TBCE: variants seen among roughly 807,000 people sequenced by gnomAD.
TBCE encodes the protein tubulin folding cofactor E.
TBCE carries 53 observed loss-of-function variants against 77.0 expected under a neutral mutation model. The ratio of observed to expected loss-of-function variants is 0.69; its 90% CI spans 0.55 to 0.87. The LOEUF is 0.87. Among genes scored for constraint, TBCE ranks in the 40% least tolerant of loss-of-function variants. The pLI, the probability that TBCE is intolerant of heterozygous loss-of-function variation, is 0.00. For missense variants in TBCE, 624 were observed against 622.4 expected (o/e 1.00, Z -0.03); for synonymous variants, 235 against 241.3 (o/e 0.97, Z 0.24).
chr1:235,379,947 CAAAAAA>C (rs36068852), intron 1 of TBCE, 66 bp from the exon 2 acceptor site: 4 of 729,156 alleles, frequency 5.5e-6, no homozygotes, highest in Non-Finnish European at 8.4e-6. Flanking sequence ...GACTGTGCCT[CAAAAAA>C]AAAAAAAAAA....
intron 3 of TBCE, among the ~76,000 whole-genome samples, chr1:235,409,109 A>G (rs1274569893): frequency 6.6e-6 from 1 of 151,636 alleles, no homozygotes; most frequent in Non-Finnish European, 1.5e-5. Flanking sequence ...TTAACTGAGC[A>G]TCTTCGATTC....
chr1:235,439,778 G>A (rs555929780), intron 13 of TBCE, among the ~76,000 whole-genome samples: 10 of 151,814 alleles, frequency 6.6e-5, no homozygotes, highest in Admixed American at 3.9e-4. Context: ...GTGAGCCACC[G>A]TGCGTAGCAG....
intron 1 of TBCE, among the ~76,000 whole-genome samples, chr1:235,376,379 T>A (rs973839492): frequency 2.0e-5 from 3 of 152,122 alleles, no homozygotes; most frequent in African/African-American, 7.2e-5. Context: ...GGTGATGTAG[T>A]AGTACCCTTA....
chr1:235,441,682 A>G, intron 13 of TBCE, 132 bp from the exon 14 acceptor site: 2 of 767,420 alleles, frequency 2.6e-6, no homozygotes, highest in South Asian at 3.1e-5. Context: ...CACTGAATAA[A>G]GGCAGCTCCA....
chr1:235,369,449 G>A (rs1262060297), intron 1 of TBCE, among the ~76,000 whole-genome samples: 1 of 152,052 alleles, frequency 6.6e-6, no homozygotes, highest in African/African-American at 2.4e-5. Flanking sequence ...AGAGGATGCA[G>A]TGAGCCGAGA....
rs749144476 is a variant in TBCE, at chr1:235,449,988, GATAA to G, written c.*1232_*1235del. On this transcript the variant is annotated 3_prime_UTR_variant, in exon 17 of 17. Coordinates refer to ENST00000642610, the MANE Select transcript of TBCE (RefSeq NM_003193.5). Reference sequence around the variant, plus strand: ...GTATTTTTCTGATAATCTTCCAATAGATAAATAAAAACTTTTCTTATGCTACAGT... The same window carrying G: ...GTATTTTTCTGATAATCTTCCAATAGATAAAAACTTTTCTTATGCTACAGT... 3.2e-4 allele frequency: 134 copies of G among 414,598 alleles called. No homozygotes were observed. The highest frequency in any genetic ancestry group is 6.7e-4 in the Middle Eastern group (1 of 1,484). 25.7% of individuals were successfully genotyped at this position (414,598 alleles called of 1,614,324 possible).
intron 1 of TBCE, among the ~76,000 whole-genome samples, chr1:235,378,449 C>T (rs1572320783): frequency 6.6e-6 from 1 of 152,140 alleles, no homozygotes; most frequent in South Asian, 2.1e-4. Context: ...GTCTCGAATT[C>T]CTGGCCTCAG....
intron 2 of TBCE, among the ~76,000 whole-genome samples, chr1:235,383,947 G>A (rs1677836922): frequency 1.3e-5 from 2 of 152,168 alleles, no homozygotes; most frequent in African/African-American, 2.4e-5. Context: ...GATATTGGCT[G>A]TGGGTTTATC....
rs1482173081 is a variant in TBCE at position 235,405,926 on chromosome 1, T to C, written c.185+4339T>C. 3.4e-5 allele frequency among the ~76,000 whole-genome samples: 5 copies of C among 147,178 alleles called. No individual in the cohort carries two copies. In the East Asian group the frequency reaches 1.0e-3, roughly 30 times the overall value. On this transcript the variant is annotated intron_variant, in intron 3 of 16. Transcript: ENST00000642610. The stretch of plus-strand genomic sequence containing the variant: ...GTGTGATTATGGGACCACTGTAGCA[T>C]ATGCGGTCCATTGTTGATCTACACG...
At chr1:235,392,164 A>G (rs749604443) in intron 2 of TBCE, among the ~76,000 whole-genome samples, 1 of 151,492 alleles carries the variant, frequency 6.6e-6, no homozygotes, top group Non-Finnish European at 1.5e-5. Flanking sequence ...CTCTAGCAAA[A>G]ATAAATAAAT....
Position 235,450,370 on chromosome 1 carries a change from G to A in TBCE, c.*1608G>A. The A allele has an allele frequency of 1.9e-6, 3 of 1,611,130 alleles. No individual in the cohort carries two copies. Among genetic ancestry groups the A allele is most frequent in the Non-Finnish European group, 2.5e-6 (3 of 1,177,718 alleles). On this transcript the variant is annotated 3_prime_UTR_variant, in exon 17 of 17. Transcript: ENST00000642610. ...TGAGAAACAACCAAAGCCGATCTGA[G>A]AGTGGTGAAACTGTTTTAAGAGCAT...
chr1:235,404,593 C>A (rs1400819127), intron 3 of TBCE, among the ~76,000 whole-genome samples: 1 of 152,042 alleles, frequency 6.6e-6, no homozygotes, highest in Non-Finnish European at 1.5e-5. Context: ...TTAGGCTACA[C>A]TAAACTTAGA....
At chr1:235,427,659 G>A (rs548301926) in intron 6 of TBCE, among the ~76,000 whole-genome samples, 1 of 152,278 alleles carries the variant, frequency 6.6e-6, no homozygotes, top group South Asian at 2.1e-4. Flanking sequence ...TTTCCTGGCT[G>A]TGTAAATGTC....
At chr1:235,428,526 G>A (rs1042698225) in intron 6 of TBCE, among the ~76,000 whole-genome samples, 1 of 152,114 alleles carries the variant, frequency 6.6e-6, no homozygotes, top group Non-Finnish European at 1.5e-5. Context: ...GTATACCCCA[G>A]ACAACGCAGC....
chr1:235,448,458 A>G lies in TBCE; in HGVS notation c.1491+18A>G, dbSNP rs1682622004. ...GTCCCAAAGTAAGTTGCCCAGCAAAATACAAAGTCAAAGTCAAGCTTAGTC... is the reference window on the plus strand; with the variant it reads ...GTCCCAAAGTAAGTTGCCCAGCAAAGTACAAAGTCAAAGTCAAGCTTAGTC... On this transcript the variant is annotated intron_variant, in intron 16 of 16. Coordinates refer to ENST00000642610, the MANE Select transcript of TBCE (RefSeq NM_003193.5). 3 of 1,610,874 alleles carry G rather than the reference A, an allele frequency of 1.9e-6. No homozygotes were observed. Among genetic ancestry groups the G allele is most frequent in the Non-Finnish European group, 2.5e-6 (3 of 1,177,146 alleles).
chr1:235,432,600 G>GCT (rs1681169872), intron 7 of TBCE, among the ~76,000 whole-genome samples: 1 of 152,132 alleles, frequency 6.6e-6, no homozygotes, highest in African/African-American at 2.4e-5. Context: ...AGCTAGGATT[G>GCT]CACCTTTGCA....
intron 2 of TBCE, among the ~76,000 whole-genome samples, chr1:235,391,967 ATACTT>A (rs112720306): frequency 1.3e-4 from 19 of 151,802 alleles, no homozygotes; most frequent in South Asian, 4.2e-4. Context: ...TCATTCCTAA[ATACTT>A]TACATTGTAA....
At chr1:235,380,252 C>T in intron 2 of TBCE, 103 bp downstream of exon 2, 2 of 1,123,058 alleles carry the variant, frequency 1.8e-6, no homozygotes, top group Non-Finnish European at 2.7e-6. Context: ...CTCAGTAGCA[C>T]TTTATACCAC....
chr1:235,432,985 A>G, intron 7 of TBCE: 3 of 1,502,058 alleles, frequency 2.0e-6, no homozygotes, highest in Non-Finnish European at 1.8e-6. Context: ...CGGTCTCGAC[A>G]TGCAGAAAGA....
Sources: gnomAD v4.1 joint callset for allele counts (sites outside exome capture counted in the v4.1 genomes callset) on GRCh38, gnomAD v4.1.1 for gene constraint, MANE v1.5 for transcripts, NCBI Gene and HGNC (gene_info 2026-07-23, HGNC 2026-07-21) for gene names.